Variants in IL13 observed in about 807,000 individuals in gnomAD.
IL13 encodes interleukin-13.
In IL13, 9 loss-of-function variants were observed where a neutral mutation model predicts 11.1. That is an observed-to-expected ratio of 0.81 (90% CI 0.49 to 1.42). The LOEUF is 1.42. IL13 is among the 40% of genes most tolerant of loss of function. The probability of loss-of-function intolerance (pLI) is 0.00; values close to 1 mark genes in which losing one functional copy is unlikely to be tolerated. For synonymous variants in IL13, 75 were observed against 76.9 expected, an observed-to-expected ratio of 0.97 and a Z score of 0.13; for missense variants, 181 against 182.5, an observed-to-expected ratio of 0.99 and a Z score of 0.05.
At position 132,659,758 on chromosome 5, in the gene IL13, C is replaced by T. The variant is rs1752112025; in HGVS notation, c.263C>T (p.Ser88Leu). 1.9e-6 allele frequency: 3 copies of T among 1,614,024 alleles called. No individual in the cohort carries two copies. Among genetic ancestry groups the T allele is most frequent in the Non-Finnish European group, 2.5e-6 (3 of 1,180,032 alleles). ...GCCCTGGAATCCCTGATCAACGTGT[C>T]AGGCTGCAGTGCCATCGAGAAGACC... ...CAALESLINV[S>L]GCSAIEKTQR... Residue 88 changes from serine (S) to leucine (L), a missense_variant, in exon 3 of 4, where the codon TCA (serine) becomes TTA (leucine). Coordinates refer to ENST00000304506, the MANE Select transcript of IL13 (RefSeq NM_002188.3). This position sits in a 1 kb window ranked among gnomAD's most constrained non-coding sequence, Gnocchi z 4.1.
chr5:132,659,895 G>C lies in IL13; in HGVS notation c.333+67G>C. The C allele has an allele frequency of 6.3e-7, 1 of 1,577,736 alleles. No homozygotes were observed. Among genetic ancestry groups the C allele is most frequent in the East Asian group, 2.3e-5 (1 of 43,452 alleles). ...TCCTGCCAACCCTGGGCTCGCTGAA[G>C]GGAAGCTGGCTGAATATCCATGGTG... On this transcript the variant is annotated intron_variant, in intron 3 of 3. Transcript: ENST00000304506. This position sits in a 1 kb window ranked among gnomAD's most constrained non-coding sequence, Gnocchi z 4.1.
At chr5:132,657,999 CA>C (rs1362542759), upstream of IL13, among the ~76,000 whole-genome samples, 1 of 152,218 alleles carries the variant, frequency 6.6e-6, no homozygotes, top group Non-Finnish European at 1.5e-5. Context: ...GGACCCTTCT[CA>C]ATAAGTCCAT....
chr5:132,658,767 T>C lies in IL13; in HGVS notation c.174+407T>C, dbSNP rs565293175. ...TCATAGGCCCGCCCTTACAGGAGGATTCCTTAGTAGAGTCCGCTCCTTGCC... is the reference window on the plus strand; with the variant it reads ...TCATAGGCCCGCCCTTACAGGAGGACTCCTTAGTAGAGTCCGCTCCTTGCC... On this transcript the variant is annotated intron_variant, in intron 1 of 3. Coordinates refer to ENST00000304506, the MANE Select transcript of IL13 (RefSeq NM_002188.3). 1.5e-4 allele frequency: 28 copies of C among 187,628 alleles called. No individual in the cohort carries two copies. In the South Asian group the frequency reaches 4.2e-3, roughly 28 times the overall value. 11.6% of individuals were successfully genotyped at this position (187,628 alleles called of 1,614,324 possible). A position where few individuals can be genotyped will look rare whatever the true frequency, so the allele number is the denominator to read the frequency against.
At chr5:132,658,925 G>A (rs973898211) in intron 1 of IL13, 3 of 181,084 alleles carry the variant, frequency 1.7e-5, no homozygotes, top group African/African-American at 7.0e-5. Flanking sequence ...GGTTCAGTGA[G>A]GTTAAGTGAC....
Position 132,659,774 on chromosome 5 carries a change from C to T in IL13, c.279C>T (p.Ile93=), listed in dbSNP as rs770108365. 1.4e-5 allele frequency: 22 copies of T among 1,613,818 alleles called. No homozygotes were observed. The highest frequency in any genetic ancestry group is 5.3e-5 in the African/African-American group (4 of 74,900). The stretch of plus-strand genomic sequence containing the variant: ...TCAACGTGTCAGGCTGCAGTGCCAT[C>T]GAGAAGACCCAGAGGATGCTGAGCG... ...SLINVSGCSA[I]EKTQRMLSGF... The change falls in exon 3 of 4, where the codon ATC becomes ATT. Residue 93 remains isoleucine, a synonymous_variant. Coordinates refer to ENST00000304506, the MANE Select transcript of IL13 (RefSeq NM_002188.3). This position sits in a 1 kb window ranked among gnomAD's most constrained non-coding sequence, Gnocchi z 4.1.
upstream of IL13, among the ~76,000 whole-genome samples, chr5:132,657,603 T>C (rs2149873643): frequency 6.6e-6 from 1 of 152,222 alleles, no homozygotes; most frequent in East Asian, 1.9e-4. Context: ...TGACAATCCC[T>C]CTCACAGTGG....
chr5:132,660,112 G>C (rs1196846577), intron 3 of IL13, 63 bp from the exon 4 acceptor site: 5 of 1,534,802 alleles, frequency 3.3e-6, no homozygotes, highest in Non-Finnish European at 4.5e-6. Context: ...GAAAGCCCCT[G>C]GTTTGTGCGA....
chr5:132,658,279 T>G lies in IL13; in HGVS notation c.93T>G (p.Phe31Leu), dbSNP rs777533503. The G allele has an allele frequency of 1.9e-6, 3 of 1,609,146 alleles. No individual in the cohort carries two copies. Among genetic ancestry groups the G allele is most frequent in the African/African-American group, 2.7e-5 (2 of 74,856 alleles). Residue 31 changes from phenylalanine to leucine, a missense_variant, in exon 1 of 4, where the codon TTT becomes TTG. Physicochemically the swap from Phe to Leu is conservative, Grantham distance 22. Transcript: ENST00000304506. Reference protein sequence around the residue: ...TVIALTCLGGFASPGPVPPST... With the variant: ...TVIALTCLGGLASPGPVPPST... Reference sequence around the variant, plus strand: ...TTGCTCTCACTTGCCTTGGCGGCTTTGCCTCCCCAGGCCCTGTGCCTCCCT... The same window carrying G: ...TTGCTCTCACTTGCCTTGGCGGCTTGGCCTCCCCAGGCCCTGTGCCTCCCT...
chr5:132,659,964 G>A lies in IL13; in HGVS notation c.333+136G>A. On this transcript the variant is annotated intron_variant, in intron 3 of 3. Coordinates refer to ENST00000304506, the MANE Select transcript of IL13 (RefSeq NM_002188.3). The surrounding 1 kb of genome is among the most constrained non-coding windows in gnomAD (Gnocchi z 4.1). ...GGGCCATTGTGGCAGCAGGGACGTGGCCTTCGGGATTTACAGGATCTGGGC... is the reference window on the plus strand; with the variant it reads ...GGGCCATTGTGGCAGCAGGGACGTGACCTTCGGGATTTACAGGATCTGGGC... The A allele has an allele frequency of 1.4e-6, 2 of 1,459,012 alleles. No individual in the cohort carries two copies. The highest frequency in any genetic ancestry group is 2.8e-5 in the South Asian group (2 of 72,234). The allele number at this position is 1,459,012 out of a possible 1,614,324, so 90.4% of individuals were successfully genotyped here.
At chr5:132,657,117 C>T (rs1800925), upstream of IL13, 39,967 of 155,818 alleles carry the variant, frequency 0.26, 5,754 homozygotes, top group African/African-American at 0.39. Context: ...TCTAGGAAAA[C>T]GAGGGAAGAG....
Position 132,660,234 on chromosome 5 carries a change from C to A in IL13, c.393C>A (p.Asp131Glu), listed in dbSNP as rs200380202. The A allele has an allele frequency of 2.5e-6, 4 of 1,614,190 alleles. No homozygotes were observed. Among genetic ancestry groups the A allele is most frequent in the Non-Finnish European group, 3.4e-6 (4 of 1,180,026 alleles). ...TKIEVAQFVK[D>E]LLLHLKKLFR... The stretch of plus-strand genomic sequence containing the variant: ...TCGAGGTGGCCCAGTTTGTAAAGGA[C>A]CTGCTCTTACATTTAAAGAAACTTT... Residue 131 changes from aspartate to glutamate, a missense_variant, in exon 4 of 4, where the codon GAC becomes GAA. Coordinates refer to ENST00000304506, the MANE Select transcript of IL13 (RefSeq NM_002188.3).
chr5:132,659,917 GGT>G lies in IL13; in HGVS notation c.333+96_333+97del, dbSNP rs979393682. On this transcript the variant is annotated intron_variant, in intron 3 of 3. Coordinates refer to ENST00000304506, the MANE Select transcript of IL13 (RefSeq NM_002188.3). The surrounding 1 kb of genome is among the most constrained non-coding windows in gnomAD (Gnocchi z 4.1). ...GAAGGGAAGCTGGCTGAATATCCATGGTGTGTGTCCACCCAGGGGTGGGGCCA... is the reference window on the plus strand; with the variant it reads ...GAAGGGAAGCTGGCTGAATATCCATGGTGTGTCCACCCAGGGGTGGGGCCA... The G allele has an allele frequency of 6.5e-7, 1 of 1,542,334 alleles. No individual in the cohort carries two copies. Among genetic ancestry groups the G allele is most frequent in the Non-Finnish European group, 8.7e-7 (1 of 1,144,732 alleles).
In IL13 at chr5:132,659,826, G is replaced by T; in HGVS notation, c.331G>T (p.Gly111Trp). 1 of 1,613,520 alleles carries T rather than the reference G, an allele frequency of 6.2e-7. No individual in the cohort carries two copies. The highest frequency in any genetic ancestry group is 2.2e-5 in the East Asian group (1 of 44,874). Residue 111 changes from glycine to tryptophan, a missense_variant and splice_region_variant, in exon 3 of 4, where the codon GGG (glycine) becomes TGG (tryptophan). Transcript: ENST00000304506. The surrounding 1 kb of genome is among the most constrained non-coding windows in gnomAD (Gnocchi z 4.1). ...SGFCPHKVSA[G>W]QFSSLHVRDT... ...ATTCTGCCCGCACAAGGTCTCAGCTGGGGTAAGGCATCCCCCACCCTCTCA... is the reference window on the plus strand; with the variant it reads ...ATTCTGCCCGCACAAGGTCTCAGCTTGGGTAAGGCATCCCCCACCCTCTCA...
Position 132,659,813 on chromosome 5 carries a change from C to CAAGGT in IL13, c.319_323dup (p.Ser109ArgfsTer23). ...GGATGCTGAGCGGATTCTGCCCGCA[C>CAAGGT]AAGGTCTCAGCTGGGGTAAGGCATC... is the stretch of plus-strand genomic sequence containing the variant. On this transcript the variant is annotated frameshift_variant, in exon 3 of 4. Transcript: ENST00000304506. LOFTEE classifies it high-confidence loss of function. The surrounding 1 kb of genome is among the most constrained non-coding windows in gnomAD (Gnocchi z 4.1). The CAAGGT allele has an allele frequency of 6.2e-7, 1 of 1,613,810 alleles. No individual in the cohort carries two copies. Among genetic ancestry groups the CAAGGT allele is most frequent in the Non-Finnish European group, 8.5e-7 (1 of 1,180,022 alleles).
At position 132,659,366 on chromosome 5, in the gene IL13, CA is replaced by C. The variant is rs1752102801; in HGVS notation, c.175-51del. ...GCAGACCTGGCCTGGGCTGCCAGGG[CA>C]GGCCCACAACCCCTGCCAGCACTCT... On this transcript the variant is annotated intron_variant, in intron 1 of 3. Coordinates refer to ENST00000304506, the MANE Select transcript of IL13 (RefSeq NM_002188.3). This position sits in a 1 kb window ranked among gnomAD's most constrained non-coding sequence, Gnocchi z 4.1. 6 of 1,381,652 alleles carry C rather than the reference CA, an allele frequency of 4.3e-6. No individual in the cohort carries two copies. The highest frequency in any genetic ancestry group is 5.1e-6 in the Non-Finnish European group (5 of 984,496). 85.6% of individuals were successfully genotyped at this position (1,381,652 alleles called of 1,614,324 possible). A position where few individuals can be genotyped will look rare whatever the true frequency, so the allele number is the denominator to read the frequency against.
In IL13 at chr5:132,659,320, G is replaced by A; in HGVS notation, c.175-98G>A. 1 of 829,268 alleles carries A rather than the reference G, an allele frequency of 1.2e-6. No individual in the cohort carries two copies. The highest frequency in any genetic ancestry group is 2.0e-6 in the Non-Finnish European group (1 of 488,830). The allele number at this position is 829,268 out of a possible 1,614,324, so 51.4% of individuals were successfully genotyped here. On this transcript the variant is annotated intron_variant, in intron 1 of 3. Coordinates refer to ENST00000304506, the MANE Select transcript of IL13 (RefSeq NM_002188.3). The surrounding 1 kb of genome is among the most constrained non-coding windows in gnomAD (Gnocchi z 4.1). ...CCTGCCTCTGTGCCACACCAGGGATGCTTGTGGGGCCTGTGCTGGGGCAGA... is the reference window on the plus strand; with the variant it reads ...CCTGCCTCTGTGCCACACCAGGGATACTTGTGGGGCCTGTGCTGGGGCAGA...
Position 132,659,304 on chromosome 5 carries a change from G to A in IL13, c.175-114G>A. The A allele has an allele frequency of 1.3e-6, 1 of 763,770 alleles. No homozygotes were observed. Among genetic ancestry groups the A allele is most frequent in the Non-Finnish European group, 2.3e-6 (1 of 431,548 alleles). The allele number at this position is 763,770 out of a possible 1,614,324, so 47.3% of individuals were successfully genotyped here. On this transcript the variant is annotated intron_variant, in intron 1 of 3. Coordinates refer to ENST00000304506, the MANE Select transcript of IL13 (RefSeq NM_002188.3). The surrounding 1 kb of genome is among the most constrained non-coding windows in gnomAD (Gnocchi z 4.1). ...CTGAGGGGCTGCCAGGCCTGCCTCT[G>A]TGCCACACCAGGGATGCTTGTGGGG... is the stretch of plus-strand genomic sequence containing the variant.
Position 132,658,343 on chromosome 5 carries a change from A to T in IL13, c.157A>T (p.Ile53Phe). ...LRELIEELVNITQNQKAPLCN... is the reference protein window; with the variant it reads ...LRELIEELVNFTQNQKAPLCN... ...GGAGCTCATTGAGGAGCTGGTCAAC[A>T]TCACCCAGAACCAGAAGGTGAGTGT... Residue 53 changes from isoleucine (I) to phenylalanine (F), a missense_variant, in exon 1 of 4, where the codon ATC becomes TTC. By Grantham distance (21) the Ile-to-Phe change is conservative. Transcript: ENST00000304506. 2 of 1,609,698 alleles carry T rather than the reference A, an allele frequency of 1.2e-6. No homozygotes were observed. Among genetic ancestry groups the T allele is most frequent in the Non-Finnish European group, 1.7e-6 (2 of 1,176,672 alleles).
Position 132,658,335 on chromosome 5 carries a change from T to TCAGGGAGCTCATTG in IL13, c.149_150insCAGGGAGCTCATTG (p.Val51ArgfsTer27). On this transcript the variant is annotated frameshift_variant, in exon 1 of 4. Transcript: ENST00000304506. LOFTEE classifies it high-confidence loss of function. ...GCCCTCAGGGAGCTCATTGAGGAGC[T>TCAGGGAGCTCATTG]GGTCAACATCACCCAGAACCAGAAG... The TCAGGGAGCTCATTG allele has an allele frequency of 6.2e-7, 1 of 1,611,342 alleles. No individual in the cohort carries two copies. The highest frequency in any genetic ancestry group is 8.5e-7 in the Non-Finnish European group (1 of 1,177,844).
Sources: gnomAD v4.1 joint callset for allele counts (sites outside exome capture counted in the v4.1 genomes callset) on GRCh38, gnomAD v4.1.1 for gene constraint, Gnocchi (gnomAD v3.1) non-coding constraint, MANE v1.5 for transcripts, NCBI Gene and HGNC (gene_info 2026-07-23, HGNC 2026-07-21) for gene names.